The following TMEM255B variants were observed in gnomAD, a reference collection of about 807,000 sequenced individuals.
The protein encoded by TMEM255B is family with sequence similarity 70, member B.
TMEM255B carries 35 observed loss-of-function variants against 34.5 expected under a neutral mutation model. The observed-to-expected ratio is 1.01, with a 90% CI of 0.77 to 1.34. TMEM255B has a LOEUF of 1.34. Among genes scored for constraint, TMEM255B ranks in the 40% most tolerant of loss-of-function variants. The pLI is 0.00. For synonymous variants in TMEM255B, 206 were observed against 201.2 expected, an observed-to-expected ratio of 1.02 and a Z score of -0.20; for missense variants, 432 against 433.2, an observed-to-expected ratio of 1.00 and a Z score of 0.02.
intron 3 of TMEM255B, among the ~76,000 whole-genome samples, chr13:113,791,985 C>T (rs143681265): frequency 0.012 from 1,866 of 152,278 alleles, 42 homozygotes; most frequent in African/African-American, 0.042. Flanking sequence ...GGGTGCACTG[C>T]GGGACAGGAA....
rs2050443150 is a variant in TMEM255B, at chr13:113,769,453, G to C, written c.252+293G>C. 2.6e-6 allele frequency: 1 copy of C among 380,974 alleles called. No individual in the cohort carries two copies. Among genetic ancestry groups the C allele is most frequent in the Non-Finnish European group, 4.9e-6 (1 of 205,108 alleles). 23.6% of individuals were successfully genotyped at this position (380,974 alleles called of 1,614,324 possible). Reference sequence around the variant, plus strand: ...AAGCTCAGAGAATGCATGAAGTTTGGGACGGGGGTGGCAAATTAAATTAAG... The same window carrying C: ...AAGCTCAGAGAATGCATGAAGTTTGCGACGGGGGTGGCAAATTAAATTAAG... On this transcript the variant is annotated intron_variant, in intron 3 of 8. Coordinates refer to ENST00000375353, the MANE Select transcript of TMEM255B (RefSeq NM_182614.4). This position sits in a 1 kb window ranked among gnomAD's most constrained non-coding sequence, Gnocchi z 4.2.
intron 3 of TMEM255B, among the ~76,000 whole-genome samples, chr13:113,772,389 C>T (rs759441758): frequency 5.9e-5 from 9 of 152,098 alleles, no homozygotes; most frequent in Non-Finnish European, 1.2e-4. Flanking sequence ...CTTTTGGTGT[C>T]ATATCTAAGA....
At chr13:113,791,160 G>A (rs570129494) in intron 3 of TMEM255B, among the ~76,000 whole-genome samples, 1 of 152,298 alleles carries the variant, frequency 6.6e-6, no homozygotes, top group East Asian at 1.9e-4. Flanking sequence ...TCCTGCCCAG[G>A]GCTGGGTTGC....
intron 4 of TMEM255B, among the ~76,000 whole-genome samples, chr13:113,797,326 G>T (rs2050961041): frequency 6.6e-6 from 1 of 152,248 alleles, no homozygotes; most frequent in Non-Finnish European, 1.5e-5. Context: ...TGCCTCGTGT[G>T]CTGCTGAGGA....
At chr13:113,778,705 T>C (rs547429771) in intron 3 of TMEM255B, among the ~76,000 whole-genome samples, 3 of 152,174 alleles carry the variant, frequency 2.0e-5, no homozygotes, top group Admixed American at 2.0e-4. Flanking sequence ...TGTAATGATA[T>C]GACGATGATC....
At chr13:113,811,314 G>C (rs1228405009) in intron 8 of TMEM255B, among the ~76,000 whole-genome samples, 52 of 131,466 alleles carry the variant, frequency 4.0e-4, no homozygotes, top group Middle Eastern at 3.8e-3. Flanking sequence ...TGGGCCTGTG[G>C]GGGGGCCGGT....
chr13:113,795,425 A>G (rs1255427918), intron 4 of TMEM255B, among the ~76,000 whole-genome samples, 188 bp downstream of exon 4: 1 of 152,082 alleles, frequency 6.6e-6, no homozygotes, highest in Non-Finnish European at 1.5e-5. Context: ...TTCCCTCTCC[A>G]CACAGACTAC....
rs747402032 is a variant in TMEM255B at position 113,766,238 on chromosome 13, G to T, written c.170G>T (p.Gly57Val). 1 of 1,614,210 alleles carries T rather than the reference G, an allele frequency of 6.2e-7. No homozygotes were observed. Among genetic ancestry groups the T allele is most frequent in the South Asian group, 1.1e-5 (1 of 91,090 alleles). The change falls in exon 2 of 9, where the codon GGC becomes GTC. Residue 57 changes from glycine to valine, a missense_variant. Transcript: ENST00000375353. ...TTRTENVTVG[G>V]YYPGIILGFG... ...AGGACGGAGAATGTGACCGTTGGGG[G>T]CTACTACCCAGGGATCATTGTGAGT...
Position 113,812,109 on chromosome 13 carries a change from C to A in TMEM255B, c.*206C>A. The A allele has an allele frequency of 1.6e-6, 1 of 638,602 alleles. No individual in the cohort carries two copies. Among genetic ancestry groups the A allele is most frequent in the Non-Finnish European group, 2.6e-6 (1 of 381,474 alleles). The allele number at this position is 638,602 out of a possible 1,614,324, so 39.6% of individuals were successfully genotyped here. ...GCCCTCCAGACCCAGGCTGGTGACA[C>A]CTTGGCTTGGGCTCTGCTCACATCA... On this transcript the variant is annotated 3_prime_UTR_variant, in exon 9 of 9. Transcript: ENST00000375353.
intron 1 of TMEM255B, among the ~76,000 whole-genome samples, chr13:113,763,958 C>A (rs1478765510): frequency 1.3e-5 from 2 of 152,232 alleles, no homozygotes; most frequent in Non-Finnish European, 2.9e-5. Context: ...CTGGAGGAGG[C>A]CTTGGGCCGT....
Position 113,811,898 on chromosome 13 carries a change from C to A in TMEM255B, c.976C>A (p.Pro326Thr), listed in dbSNP as rs771550288. ...GGGGGAGAAGCCACCCCCCTACGCACCCTGATAGAGGCGTGGAGTAAAAGA... is the reference window on the plus strand; with the variant it reads ...GGGGGAGAAGCCACCCCCCTACGCAACCTGATAGAGGCGTGGAGTAAAAGA... ...PPGEKPPPYA[P>T] is the part of the protein sequence containing the mutation. The change falls in exon 9 of 9, where the codon CCC becomes ACC. Residue 326 changes from proline (P) to threonine (T), a missense_variant. Coordinates refer to ENST00000375353, the MANE Select transcript of TMEM255B (RefSeq NM_182614.4). 1.2e-6 allele frequency: 2 copies of A among 1,604,594 alleles called. No individual in the cohort carries two copies. The highest frequency in any genetic ancestry group is 1.1e-5 in the South Asian group (1 of 89,664).
At chr13:113,792,790 C>G (rs1486216101) in intron 3 of TMEM255B, among the ~76,000 whole-genome samples, 3 of 152,246 alleles carry the variant, frequency 2.0e-5, no homozygotes, top group Admixed American at 2.0e-4. Flanking sequence ...GGTTCAGACC[C>G]AGGCTAATGC....
intron 3 of TMEM255B, among the ~76,000 whole-genome samples, chr13:113,789,983 T>C (rs9550239): frequency 0.46 from 61,451 of 134,090 alleles, 14,051 homozygotes; most frequent in East Asian, 0.75. Context: ...CTGGACTGAC[T>C]GGGCACGTGG....
rs374032024 is a variant in TMEM255B, at chr13:113,766,153, G to C, written c.85G>C (p.Val29Leu). 1 of 1,614,134 alleles carries C rather than the reference G, an allele frequency of 6.2e-7. No individual in the cohort carries two copies. The highest frequency in any genetic ancestry group is 1.3e-5 in the African/African-American group (1 of 74,944). ...SRRKKTSLWFVGSLLLVSVLI... is the reference protein window; with the variant it reads ...SRRKKTSLWFLGSLLLVSVLI... Reference sequence around the variant, plus strand: ...GAGGAAGAAGACGTCGCTCTGGTTTGTGGGGTCTCTGCTGCTGGTGTCCGT... The same window carrying C: ...GAGGAAGAAGACGTCGCTCTGGTTTCTGGGGTCTCTGCTGCTGGTGTCCGT... Residue 29 changes from valine (V) to leucine (L), a missense_variant, in exon 2 of 9, where the codon GTG becomes CTG. By Grantham distance (32) the Val-to-Leu change is conservative. Coordinates refer to ENST00000375353, the MANE Select transcript of TMEM255B (RefSeq NM_182614.4).
chr13:113,794,562 G>C (rs1457953371), intron 3 of TMEM255B, among the ~76,000 whole-genome samples: 2 of 152,012 alleles, frequency 1.3e-5, no homozygotes, highest in Non-Finnish European at 2.9e-5. Context: ...CCCGCCCTCT[G>C]GTCAGGGGTC....
chr13:113,800,414 C>T (rs1341076736), intron 5 of TMEM255B, among the ~76,000 whole-genome samples: 1 of 151,562 alleles, frequency 6.6e-6, no homozygotes, highest in Non-Finnish European at 1.5e-5. Flanking sequence ...CTGAGGCTGC[C>T]AGTGCTCAAG....
chr13:113,795,940 A>C (rs2050921291), intron 4 of TMEM255B, among the ~76,000 whole-genome samples: 1 of 144,862 alleles, frequency 6.9e-6, no homozygotes, highest in Non-Finnish European at 1.5e-5. Flanking sequence ...CACAACACAC[A>C]GAGCACACAG....
chr13:113,769,146 A>G lies in TMEM255B; in HGVS notation c.238A>G (p.Asn80Asp). ...AATTATTGGCATCAACTTGGTGGAG[A>G]ATAGAAGGCAAATGGTAAGAAAGTA... ...LGIIGINLVE[N>D]RRQMLVAAIV... The change falls in exon 3 of 9, where the codon AAT (asparagine) becomes GAT (aspartate). Residue 80 changes from asparagine (N) to aspartate (D), a missense_variant. By Grantham distance (23) the Asn-to-Asp change is conservative (BLOSUM62 1). Coordinates refer to ENST00000375353, the MANE Select transcript of TMEM255B (RefSeq NM_182614.4). The surrounding 1 kb of genome is among the most constrained non-coding windows in gnomAD (Gnocchi z 4.2). 6.2e-7 allele frequency: 1 copy of G among 1,614,078 alleles called. No homozygotes were observed. Among genetic ancestry groups the G allele is most frequent in the Non-Finnish European group, 8.5e-7 (1 of 1,179,992 alleles).
chr13:113,796,957 G>A (rs931078575), intron 4 of TMEM255B, among the ~76,000 whole-genome samples: 5 of 151,924 alleles, frequency 3.3e-5, no homozygotes, highest in African/African-American at 7.3e-5. Flanking sequence ...ACACTCGCGC[G>A]CACACACACA....
Sources: gnomAD v4.1 joint callset for allele counts (sites outside exome capture counted in the v4.1 genomes callset) on GRCh38, gnomAD v4.1.1 for gene constraint, Gnocchi (gnomAD v3.1) non-coding constraint, MANE v1.5 for transcripts, NCBI Gene and HGNC (gene_info 2026-07-23, HGNC 2026-07-21) for gene names.